TNFAIP8L3: variants seen among roughly 807,000 people sequenced by gnomAD.
TNFAIP8L3 encodes tumor necrosis factor alpha-induced protein 8-like protein 3.
A neutral mutation model predicts 11.8 loss-of-function variants in TNFAIP8L3; 7 were observed. The observed-to-expected ratio is 0.59, with a 90% CI of 0.34 to 1.11. The LOEUF is 1.11. Among genes scored for constraint, TNFAIP8L3 ranks in the 50% most tolerant of loss-of-function variants. TNFAIP8L3 has a pLI of 0.03. For synonymous variants in TNFAIP8L3, 98 were observed against 103.8 expected (o/e 0.94, Z 0.34); for missense variants, 219 against 258.6 (o/e 0.85, Z 1.05).
chr15:51,058,564 T>C (rs2065221976), intron 1 of TNFAIP8L3, 121 bp from the exon 2 acceptor site: 3 of 914,902 alleles, frequency 3.3e-6, no homozygotes, highest in Middle Eastern at 3.5e-4. Flanking sequence ...TGTCTTTATA[T>C]TCCCTCGCTC....
At chr15:51,105,135 T>C (rs749761493) in exon 1 of TNFAIP8L3, 14 of 1,614,116 alleles carry the variant, frequency 8.7e-6, no homozygotes, top group Admixed American at 3.3e-5. Flanking sequence ...CCTCACAGAG[T>C]GTGGAAACCA....
chr15:51,097,104 C>T (rs2065518817), upstream of TNFAIP8L3, among the ~76,000 whole-genome samples: 1 of 152,112 alleles, frequency 6.6e-6, no homozygotes, highest in Admixed American at 6.5e-5. Flanking sequence ...TGCCTAGATT[C>T]AATAACAGGA....
At chr15:51,099,671 C>T (rs1390951331), upstream of TNFAIP8L3, among the ~76,000 whole-genome samples, 1 of 152,182 alleles carries the variant, frequency 6.6e-6, no homozygotes, top group African/African-American at 2.4e-5. Context: ...GCTGTTCTTA[C>T]AAGCATCTAC....
intron 1 of TNFAIP8L3, among the ~76,000 whole-genome samples, chr15:51,076,101 A>T (rs1000595788): frequency 1.3e-5 from 2 of 152,232 alleles, no homozygotes; most frequent in African/African-American, 4.8e-5. Flanking sequence ...GGAAAGGGAC[A>T]TGTAATATAT....
At position 51,057,775 on chromosome 15, in the gene TNFAIP8L3, A is replaced by G; in HGVS notation, c.*106T>C. ...ATCAGAGGGATGAACAGGAAAGAAC[A>G]TGGACATCTTTGACAAGGGTTTCTG... On this transcript the variant is annotated 3_prime_UTR_variant, in exon 2 of 2. Transcript: ENST00000637513. 3 of 985,174 alleles carry G rather than the reference A, an allele frequency of 3.0e-6. No homozygotes were observed. Among genetic ancestry groups the G allele is most frequent in the African/African-American group, 1.6e-5 (1 of 61,778 alleles). The allele number at this position is 985,174 out of a possible 1,614,324, so 61.0% of individuals were successfully genotyped here.
upstream of TNFAIP8L3, among the ~76,000 whole-genome samples, chr15:51,099,247 C>T (rs2065533624): frequency 1.3e-5 from 2 of 152,150 alleles, no homozygotes. Context: ...GGCAGTGTGT[C>T]CTCTGCACAG....
intron 1 of TNFAIP8L3, among the ~76,000 whole-genome samples, chr15:51,093,728 G>C (rs1439468249): frequency 6.6e-6 from 1 of 152,160 alleles, no homozygotes; most frequent in Non-Finnish European, 1.5e-5. Context: ...CCGTGGGTGG[G>C]GGGCGGAGCG....
intron 1 of TNFAIP8L3, among the ~76,000 whole-genome samples, chr15:51,064,374 G>C (rs2065257290): frequency 6.6e-6 from 1 of 152,112 alleles, no homozygotes; most frequent in South Asian, 2.1e-4. Flanking sequence ...CACCATACCA[G>C]GTAGCTTATT....
chr15:51,091,910 C>G (rs918280548), intron 1 of TNFAIP8L3, among the ~76,000 whole-genome samples: 15 of 152,184 alleles, frequency 9.9e-5, no homozygotes, highest in Non-Finnish European at 2.1e-4. Context: ...AGGTAATAAT[C>G]AAAATAACAG....
intron 1 of TNFAIP8L3, among the ~76,000 whole-genome samples, chr15:51,067,312 T>G (rs1017494117): frequency 2.0e-5 from 3 of 152,144 alleles, no homozygotes; most frequent in Non-Finnish European, 2.9e-5. Flanking sequence ...GCCACCTGCC[T>G]TGAAGACAGA....
intron 1 of TNFAIP8L3, among the ~76,000 whole-genome samples, chr15:51,087,596 GC>G (rs61620600): frequency 0.017 from 2,626 of 152,214 alleles, 93 homozygotes; most frequent in African/African-American, 0.06. Flanking sequence ...GCCAGTGGCT[GC>G]CCCTGTGGTT....
rs201518392 is a variant in TNFAIP8L3, at chr15:51,083,819, G to A, written c.52+10725C>T. ...CAGAAGGCTGGATCACCCCAGGCAG[G>A]GGGCTGGGCGGAGCCAGTGAGGGGG... On this transcript the variant is annotated intron_variant, in intron 1 of 1. Coordinates refer to ENST00000637513, the MANE Select transcript of TNFAIP8L3 (RefSeq NM_001311175.2). Among the ~76,000 whole-genome samples, 18 of 152,236 alleles carry A rather than the reference G, an allele frequency of 1.2e-4. No individual in the cohort carries two copies. The East Asian group carries it at 1.9e-3, about 16-fold the overall frequency.
intron 1 of TNFAIP8L3, among the ~76,000 whole-genome samples, chr15:51,066,850 G>C (rs962827975): frequency 6.6e-6 from 1 of 152,200 alleles, no homozygotes; most frequent in Non-Finnish European, 1.5e-5. Flanking sequence ...CTTCCAGAGA[G>C]ACTCATTGAG....
chr15:51,105,226 C>T, exon 1 of TNFAIP8L3: 1 of 1,588,386 alleles, frequency 6.3e-7, no homozygotes, highest in South Asian at 1.1e-5. Context: ...TGCACACTGA[C>T]TCTTTAGGAG....
intron 1 of TNFAIP8L3, among the ~76,000 whole-genome samples, chr15:51,063,818 G>T (rs902043185): frequency 1.3e-5 from 2 of 152,150 alleles, no homozygotes; most frequent in Non-Finnish European, 2.9e-5. Context: ...GAGTAGTTGG[G>T]GAAAAGTCCA....
chr15:51,095,221 G>GGCGGGGAATAAGGGAAGGGGA (rs148727483), upstream of TNFAIP8L3, among the ~76,000 whole-genome samples: 2 of 143,506 alleles, frequency 1.4e-5, no homozygotes, highest in East Asian at 2.2e-4. Flanking sequence ...AGGGAAGGGG[G>GGCGGGGAATAAGGGAAGGGGA]GCGGGGAATA....
chr15:51,087,622 A>G (rs1004926067), intron 1 of TNFAIP8L3, among the ~76,000 whole-genome samples: 1 of 152,266 alleles, frequency 6.6e-6, no homozygotes, highest in Middle Eastern at 3.4e-3. Flanking sequence ...AATAGTTTAA[A>G]GCAATATTGG....
chr15:51,091,364 C>T (rs2065468204), intron 1 of TNFAIP8L3, among the ~76,000 whole-genome samples: 1 of 152,120 alleles, frequency 6.6e-6, no homozygotes, highest in Admixed American at 6.5e-5. Flanking sequence ...TTGTCCTCTG[C>T]CAATAGGTGA....
chr15:51,099,552 A>G (rs1394768282), upstream of TNFAIP8L3, among the ~76,000 whole-genome samples: 1 of 152,168 alleles, frequency 6.6e-6, no homozygotes, highest in East Asian at 1.9e-4. Context: ...TTTAAATAGC[A>G]GCACCAGGAT....
Sources: gnomAD v4.1 joint callset for allele counts (sites outside exome capture counted in the v4.1 genomes callset) on GRCh38, gnomAD v4.1.1 for gene constraint, MANE v1.5 for transcripts, NCBI Gene and HGNC (gene_info 2026-07-23, HGNC 2026-07-21) for gene names.